Variants in LAMA4 observed in about 807,000 individuals in gnomAD.
LAMA4 encodes laminin subunit alpha 4.
In LAMA4, 127 loss-of-function variants were observed where a neutral mutation model predicts 207.1. That is an observed-to-expected ratio of 0.61 (90% CI 0.53 to 0.71). The LOEUF is 0.71. LAMA4 is among the 30% of genes least tolerant of loss of function. LAMA4 has a pLI of 0.00. For missense variants in LAMA4, 2,093 were observed against 2,246.5 expected (o/e 0.93, Z 1.38); for synonymous variants, 761 against 816.0 (o/e 0.93, Z 1.15).
At chr6:112,162,030 A>G (rs1781082996) in intron 13 of LAMA4, 1 of 152,172 alleles carries the variant, frequency 6.6e-6, no homozygotes, top group Non-Finnish European at 1.5e-5. Context: ...TTTTTAAAGG[A>G]TTGTTCTGCT....
intron 31 of LAMA4, among the ~76,000 whole-genome samples, chr6:112,126,346 C>T (rs999400472): frequency 4.6e-5 from 7 of 152,134 alleles, no homozygotes; most frequent in African/African-American, 1.7e-4. Context: ...AATCTTTTAG[C>T]ATCAATGTAT....
chr6:112,252,401 C>A (rs1217468008), intron 2 of LAMA4, among the ~76,000 whole-genome samples: 1 of 152,072 alleles, frequency 6.6e-6, no homozygotes, highest in Non-Finnish European at 1.5e-5. Flanking sequence ...CTCTAAAACT[C>A]AAAAAATTAC....
At chr6:112,216,636 C>A in intron 2 of LAMA4, 167 bp from the exon 3 acceptor site, 1 of 648,784 alleles carries the variant, frequency 1.5e-6, no homozygotes. Flanking sequence ...TTTATACTAC[C>A]ATTCAGTGAT....
In LAMA4 at chr6:112,129,998, A is replaced by G. The variant is rs1554329114; in HGVS notation, c.4011T>C (p.Asn1337=). 6.2e-7 allele frequency: 1 copy of G among 1,613,378 alleles called. No homozygotes were observed. The highest frequency in any genetic ancestry group is 1.1e-5 in the South Asian group (1 of 91,076). Residue 1337 remains asparagine (N), a synonymous_variant, in exon 30 of 39, where the codon AAT becomes AAC. Coordinates refer to ENST00000230538, the MANE Select transcript of LAMA4 (RefSeq NM_001105206.3). The part of the protein sequence containing the change: ...IVDKSRVGSK[N]PTKGKIEQTQ... The stretch of plus-strand genomic sequence containing the variant: ...TCTGTTCTATTTTCCCTTTGGTAGG[A>G]TTCTTACTCCCAACTCTGCTTTTAT...
chr6:112,140,887 G>T lies in LAMA4; in HGVS notation c.2849C>A (p.Pro950Gln). The change falls in exon 22 of 39, where the codon CCG (proline) becomes CAG (glutamine). Residue 950 changes from proline (P) to glutamine (Q), a missense_variant. Around this residue, in one of 3 missense-constraint regions of LAMA4, gnomAD observed 1,704 missense variants for 1,788.4 expected, o/e 0.95. Coordinates refer to ENST00000230538, the MANE Select transcript of LAMA4 (RefSeq NM_001105206.3). ...TTCCTCTGCTGTGCTACTTAGACTC[G>T]GGACTGTTAAAAACACCTTTCCATG... Reference protein sequence around the residue: ...GKHGKVFLTVPSLSSTAEEKF... With the variant: ...GKHGKVFLTVQSLSSTAEEKF... 1 of 1,613,670 alleles carries T rather than the reference G, an allele frequency of 6.2e-7. No individual in the cohort carries two copies. Among genetic ancestry groups the T allele is most frequent in the Non-Finnish European group, 8.5e-7 (1 of 1,179,694 alleles).
Position 112,246,695 on chromosome 6 carries a change from T to C in LAMA4, c.195+7261A>G, listed in dbSNP as rs1438558804. Among the ~76,000 whole-genome samples, 3 of 152,170 alleles carry C rather than the reference T, an allele frequency of 2.0e-5. No individual in the cohort carries two copies. In the East Asian group the frequency reaches 5.8e-4, roughly 29 times the overall value. Reference sequence around the variant, plus strand: ...CCACCATGTCCAGCTAATTTTTTTGTATTTTTAGTAGAGGCGGGGTCTCAC... The same window carrying C: ...CCACCATGTCCAGCTAATTTTTTTGCATTTTTAGTAGAGGCGGGGTCTCAC... On this transcript the variant is annotated intron_variant, in intron 2 of 38. Transcript: ENST00000230538.
intron 3 of LAMA4, among the ~76,000 whole-genome samples, chr6:112,215,520 T>C (rs1371091698): frequency 8.3e-6 from 1 of 119,838 alleles, no homozygotes; most frequent in Non-Finnish European, 1.6e-5. Flanking sequence ...CTTGTAGTTT[T>C]GGAAAACCTC....
chr6:112,191,340 C>T lies in LAMA4; in HGVS notation c.718+296G>A, dbSNP rs1390823373. Among the ~76,000 whole-genome samples the T allele has an allele frequency of 3.3e-5, 5 of 151,954 alleles. No homozygotes were observed. The East Asian group carries it at 5.8e-4, about 18-fold the overall frequency. Reference sequence around the variant, plus strand: ...TAATGGCAGGTAATCCATAGAAGTCCGATTTATTTCTTTGATTAAAACTAG... The same window carrying T: ...TAATGGCAGGTAATCCATAGAAGTCTGATTTATTTCTTTGATTAAAACTAG... On this transcript the variant is annotated intron_variant, in intron 6 of 38. Transcript: ENST00000230538.
At chr6:112,151,424 G>A (rs1392152792) in intron 16 of LAMA4, among the ~76,000 whole-genome samples, 1 of 152,002 alleles carries the variant, frequency 6.6e-6, no homozygotes, top group Non-Finnish European at 1.5e-5. Flanking sequence ...ATTCAGTTCA[G>A]GTACTTTAAT....
At chr6:112,114,494 T>C (rs916819132) in intron 37 of LAMA4, among the ~76,000 whole-genome samples, 169 bp downstream of exon 37, 6 of 152,172 alleles carry the variant, frequency 3.9e-5, no homozygotes, top group Non-Finnish European at 7.3e-5. Flanking sequence ...TATTTTGAAA[T>C]CACATGTGGA....
At chr6:112,132,949 T>C (rs111425063) in intron 27 of LAMA4, 59 bp from the exon 28 acceptor site, 1 of 1,545,558 alleles carries the variant, frequency 6.5e-7, no homozygotes, top group South Asian at 1.1e-5. Flanking sequence ...CTTAAAACTA[T>C]CAATGTTTCA....
At chr6:112,225,491 A>G (rs1785161961) in intron 2 of LAMA4, among the ~76,000 whole-genome samples, 1 of 152,246 alleles carries the variant, frequency 6.6e-6, no homozygotes, top group African/African-American at 2.4e-5. Flanking sequence ...AGAATGACAC[A>G]ATGTAAGCAC....
At chr6:112,194,081 A>G (rs1207370671) in intron 5 of LAMA4, among the ~76,000 whole-genome samples, 1 of 152,174 alleles carries the variant, frequency 6.6e-6, no homozygotes, top group East Asian at 1.9e-4. Flanking sequence ...GCACTTTCTC[A>G]TGTCTTTGCA....
intron 12 of LAMA4, chr6:112,171,734 G>A (rs978291779): frequency 2.6e-5 from 4 of 152,982 alleles, no homozygotes; most frequent in Non-Finnish European, 5.9e-5. Flanking sequence ...ATTGGCTAGG[G>A]GTTTGCTCCC....
At chr6:112,221,624 C>G (rs1242245427) in intron 2 of LAMA4, among the ~76,000 whole-genome samples, 1 of 152,018 alleles carries the variant, frequency 6.6e-6, no homozygotes, top group South Asian at 2.1e-4. Context: ...ATTTTTAGTT[C>G]CAGTTTAGTT....
At chr6:112,248,498 CAAAA>C (rs550634848) in intron 2 of LAMA4, among the ~76,000 whole-genome samples, 1 of 103,046 alleles carries the variant, frequency 9.7e-6, no homozygotes. Flanking sequence ...GACTCTGTCT[CAAAA>C]AAAAAAAAAA....
intron 20 of LAMA4, 152 bp from the exon 21 acceptor site, chr6:112,141,655 G>A (rs1365517445): frequency 1.5e-6 from 1 of 680,678 alleles, no homozygotes; most frequent in African/African-American, 1.8e-5. Flanking sequence ...AGCAGGCAGT[G>A]TCTCTTCCTT....
At chr6:112,133,239 G>A in intron 27 of LAMA4, 110 bp downstream of exon 27, 1 of 1,180,712 alleles carries the variant, frequency 8.5e-7, no homozygotes, top group Non-Finnish European at 1.3e-6. Context: ...GTGGCAGAAA[G>A]GAACCCAAGG....
chr6:112,197,196 C>T (rs1489751966), intron 5 of LAMA4, among the ~76,000 whole-genome samples: 1 of 152,092 alleles, frequency 6.6e-6, no homozygotes, highest in African/African-American at 2.4e-5. Context: ...GGAAAGCTTG[C>T]CAGCTGATCT....
Sources: allele counts gnomAD v4.1 joint callset (sites outside exome capture counted in the v4.1 genomes callset), GRCh38; gene constraint gnomAD v4.1.1; regional missense constraint gnomAD v4.1.1; transcripts MANE v1.5; gene names NCBI Gene and HGNC (gene_info 2026-07-23, HGNC 2026-07-21).